BRINP3: variants seen among roughly 807,000 people sequenced by gnomAD.
BRINP3 encodes BMP/retinoic acid inducible neural specific 3, also known as BMP/retinoic acid-inducible neural-specific protein 3.
A neutral mutation model predicts 71.0 loss-of-function variants in BRINP3; 19 were observed. The observed-to-expected ratio is 0.27, with a 90% CI of 0.19 to 0.39. The LOEUF (loss-of-function observed/expected upper bound fraction) is 0.39. BRINP3 is among the 10% of genes least tolerant of loss of function. BRINP3 has a pLI of 1.00. For missense variants in BRINP3, 959 were observed against 940.8 expected (o/e 1.02, Z -0.25); for synonymous variants, 380 against 337.7 (o/e 1.13, Z -1.37).
Position 190,169,339 on chromosome 1 carries a change from T to C in BRINP3, c.962-8449A>G, listed in dbSNP as rs554549039. ...TGGTGACATTACTGATAATGATGAC[T>C]TCAGTGATCTGTATTGGTGTGGCAG... On this transcript the variant is annotated intron_variant, in intron 6 of 7. Coordinates refer to ENST00000367462, the MANE Select transcript of BRINP3 (RefSeq NM_199051.3). 9.2e-5 allele frequency among the ~76,000 whole-genome samples: 14 copies of C among 152,312 alleles called. No individual in the cohort carries two copies. In the South Asian group the frequency reaches 2.1e-3, roughly 23 times the overall value.
intron 2 of BRINP3, among the ~76,000 whole-genome samples, chr1:190,322,466 C>G (rs896689898): frequency 6.6e-6 from 1 of 151,942 alleles, no homozygotes; most frequent in Admixed American, 6.6e-5. Context: ...TGACAGAACA[C>G]CATGGATTGC....
intron 2 of BRINP3, among the ~76,000 whole-genome samples, chr1:190,335,685 A>G (rs1002235938): frequency 6.6e-6 from 1 of 151,866 alleles, no homozygotes; most frequent in Non-Finnish European, 1.5e-5. Context: ...AAACCTCAAG[A>G]TATTCTCAGA....
At chr1:190,309,571 CTG>C (rs1481949849) in intron 2 of BRINP3, among the ~76,000 whole-genome samples, 1 of 151,748 alleles carries the variant, frequency 6.6e-6, no homozygotes, top group Non-Finnish European at 1.5e-5. Context: ...TTTCAAATGA[CTG>C]GTATTAACCT....
At chr1:190,430,201 T>A (rs954039228) in intron 2 of BRINP3, among the ~76,000 whole-genome samples, 3 of 152,298 alleles carry the variant, frequency 2.0e-5, no homozygotes, top group Admixed American at 2.0e-4. Context: ...AAAAACATTT[T>A]CAAACATCTC....
At chr1:190,431,522 A>G (rs1235937520) in intron 2 of BRINP3, among the ~76,000 whole-genome samples, 2 of 151,912 alleles carry the variant, frequency 1.3e-5, no homozygotes, top group African/African-American at 2.4e-5. Flanking sequence ...ATGCCCAGAT[A>G]ATTTTTGTAT....
At chr1:190,206,864 A>T (rs1370165297) in intron 6 of BRINP3, among the ~76,000 whole-genome samples, 1 of 152,082 alleles carries the variant, frequency 6.6e-6, no homozygotes, top group Non-Finnish European at 1.5e-5. Context: ...AGCAAAGAAG[A>T]TATGATAGTT....
chr1:190,254,554 T>C (rs1440123625), intron 4 of BRINP3, among the ~76,000 whole-genome samples: 1 of 152,186 alleles, frequency 6.6e-6, no homozygotes, highest in Admixed American at 6.5e-5. Flanking sequence ...AGGAGTTCAC[T>C]CATGATTTGG....
intron 2 of BRINP3, among the ~76,000 whole-genome samples, chr1:190,450,242 G>GAC (rs1214424742): frequency 6.6e-6 from 1 of 152,258 alleles, no homozygotes; most frequent in East Asian, 1.9e-4. Flanking sequence ...TGATGGTAAT[G>GAC]ACACAGCTCC....
At chr1:190,356,775 A>G (rs1005568255) in intron 2 of BRINP3, among the ~76,000 whole-genome samples, 13 of 152,102 alleles carry the variant, frequency 8.5e-5, no homozygotes, top group African/African-American at 3.1e-4. Context: ...TAAGACATAG[A>G]CATCTGTGGG....
chr1:190,146,445 T>A (rs557672435), intron 7 of BRINP3, among the ~76,000 whole-genome samples: 7 of 152,190 alleles, frequency 4.6e-5, no homozygotes, highest in Admixed American at 1.3e-4. Context: ...GCATTTTCCA[T>A]ACTATTTCAA....
chr1:190,189,682 A>C (rs1190111542), intron 6 of BRINP3, among the ~76,000 whole-genome samples: 1 of 151,660 alleles, frequency 6.6e-6, no homozygotes, highest in Non-Finnish European at 1.5e-5. Context: ...TTTTTTATCT[A>C]GATTCTCTTA....
chr1:190,216,668 T>C (rs751424497), intron 6 of BRINP3, among the ~76,000 whole-genome samples: 5 of 151,942 alleles, frequency 3.3e-5, no homozygotes, highest in Non-Finnish European at 7.4e-5. Flanking sequence ...GCTAATCCTA[T>C]CTACTGACTG....
At chr1:190,148,127 C>A (rs538891761) in intron 7 of BRINP3, among the ~76,000 whole-genome samples, 176 of 152,144 alleles carry the variant, frequency 1.2e-3, no homozygotes, top group African/African-American at 4.1e-3. Context: ...TAATACAATT[C>A]TATTTTATAT....
At chr1:190,358,801 C>A (rs1668922763) in intron 2 of BRINP3, among the ~76,000 whole-genome samples, 1 of 152,054 alleles carries the variant, frequency 6.6e-6, no homozygotes, top group Admixed American at 6.6e-5. Flanking sequence ...GAAAATGTGG[C>A]ACATATACAC....
intron 6 of BRINP3, among the ~76,000 whole-genome samples, chr1:190,198,857 C>A (rs565294577): frequency 6.6e-6 from 1 of 152,300 alleles, no homozygotes; most frequent in East Asian, 1.9e-4. Context: ...TCCCTGTTAA[C>A]CAGTTCCAAA....
intron 6 of BRINP3, among the ~76,000 whole-genome samples, chr1:190,193,763 C>A (rs542401829): frequency 6.6e-6 from 1 of 152,096 alleles, no homozygotes; most frequent in African/African-American, 2.4e-5. Flanking sequence ...TGCAAATCTA[C>A]TCCCAGACTC....
chr1:190,312,417 C>A (rs933921648), intron 2 of BRINP3, among the ~76,000 whole-genome samples: 1 of 151,390 alleles, frequency 6.6e-6, no homozygotes, highest in African/African-American at 2.4e-5. Flanking sequence ...AGAAAAAATA[C>A]TTTATCCTTC....
At chr1:190,174,211 C>T (rs1416823112) in intron 6 of BRINP3, among the ~76,000 whole-genome samples, 1 of 152,116 alleles carries the variant, frequency 6.6e-6, no homozygotes, top group Admixed American at 6.6e-5. Context: ...GCTCTATTGA[C>T]TCCCTTTTAT....
rs950658756 is a variant in BRINP3 at position 190,448,421 on chromosome 1, T to C, written c.236+6234A>G. Among the ~76,000 whole-genome samples, 17 of 151,664 alleles carry C rather than the reference T, an allele frequency of 1.1e-4. No individual in the cohort carries two copies. The East Asian group carries it at 3.1e-3, about 28-fold the overall frequency. ...ATCAGTACAATTGCACTAAATTCTA[T>C]ATTTAAATAATCTTTTTTCTTAACA... is the stretch of plus-strand genomic sequence containing the variant. On this transcript the variant is annotated intron_variant, in intron 2 of 7. Coordinates refer to ENST00000367462, the MANE Select transcript of BRINP3 (RefSeq NM_199051.3).
Sources: allele counts gnomAD v4.1 joint callset (sites outside exome capture counted in the v4.1 genomes callset), GRCh38; gene constraint gnomAD v4.1.1; transcripts MANE v1.5; gene names NCBI Gene and HGNC (gene_info 2026-07-23, HGNC 2026-07-21).